The following SEC22B variants were observed in gnomAD, a reference collection of about 807,000 sequenced individuals.
The protein encoded by SEC22B is vesicle-trafficking protein SEC22b.
Under a neutral mutation model 31.4 loss-of-function variants are expected in SEC22B, and 10 were observed. The ratio of observed to expected loss-of-function variants is 0.32; its 90% CI spans 0.20 to 0.54. SEC22B has a LOEUF of 0.54. Ranked by LOEUF, SEC22B falls within the 20% of genes least tolerant of loss-of-function variation. The pLI is 0.94. For synonymous variants in SEC22B, 60 were observed against 95.9 expected, an observed-to-expected ratio of 0.63 and a Z score of 2.19; for missense variants, 130 against 263.4, an observed-to-expected ratio of 0.49 and a Z score of 3.50.
At chr1:120,162,909 G>A (rs1361682416) in intron 3 of SEC22B, among the ~76,000 whole-genome samples, 1 of 152,092 alleles carries the variant, frequency 6.6e-6, no homozygotes, top group Non-Finnish European at 1.5e-5. Flanking sequence ...CAATCAAGTA[G>A]ATCTTTAGGC....
rs1165572605 is a variant in SEC22B at position 120,150,944 on chromosome 1, C to G, written c.*6094G>C. ...TAGAAGAGGCAGCATTGTTTTATAA[C>G]AACTCACTCTCTTGGGAACTAACCA... is the stretch of plus-strand genomic sequence containing the variant. On this transcript the variant is annotated 3_prime_UTR_variant, in exon 5 of 5. Transcript: ENST00000578049. 1 of 152,160 alleles carries G rather than the reference C, an allele frequency of 6.6e-6. No homozygotes were observed. Among genetic ancestry groups the G allele is most frequent in the African/African-American group, 2.4e-5 (1 of 41,436 alleles). The allele number at this position is 152,160 out of a possible 1,614,324, so 9.4% of individuals were successfully genotyped here.
At chr1:120,170,501 A>T (rs1393170003) in intron 1 of SEC22B, among the ~76,000 whole-genome samples, 1 of 150,266 alleles carries the variant, frequency 6.7e-6, no homozygotes, top group East Asian at 1.9e-4. Context: ...GGTGAACTGG[A>T]AATTTCAATA....
At chr1:120,170,860 C>G (rs1323268408) in intron 1 of SEC22B, among the ~76,000 whole-genome samples, 1 of 143,772 alleles carries the variant, frequency 7.0e-6, no homozygotes, top group African/African-American at 2.9e-5. Context: ...TTGAATGGTA[C>G]TTACCAATCT....
At chr1:120,169,297 T>C (rs1420343744) in intron 1 of SEC22B, among the ~76,000 whole-genome samples, 1 of 152,168 alleles carries the variant, frequency 6.6e-6, no homozygotes, top group Non-Finnish European at 1.5e-5. Context: ...GCATGTGCTA[T>C]ACTCAGGGGA....
chr1:120,164,747 G>C, intron 2 of SEC22B, among the ~76,000 whole-genome samples: 4 of 152,262 alleles, frequency 2.6e-5, no homozygotes, highest in Middle Eastern at 6.8e-3. Flanking sequence ...ATTTTTGGTA[G>C]AAAGATTTGT....
At chr1:120,176,247 G>T in intron 1 of SEC22B, 60 bp downstream of exon 1, 1 of 1,525,772 alleles carries the variant, frequency 6.6e-7, no homozygotes, top group South Asian at 1.2e-5. Flanking sequence ...GGAATCCGAT[G>T]CTGAGGGCAA....
intron 1 of SEC22B, among the ~76,000 whole-genome samples, chr1:120,170,557 C>T (rs1657879354): frequency 6.6e-6 from 1 of 151,732 alleles, no homozygotes; most frequent in Non-Finnish European, 1.5e-5. Flanking sequence ...GGGAGATAGG[C>T]AGAGTCCAGT....
rs1220483327 is a variant in SEC22B at position 120,153,958 on chromosome 1, T to G, written c.*3080A>C. On this transcript the variant is annotated 3_prime_UTR_variant, in exon 5 of 5. Coordinates refer to ENST00000578049, the MANE Select transcript of SEC22B (RefSeq NM_004892.6). ...ATATTTAAATAACCAGAGTGTACAG[T>G]GTCCAAATATTTCCAAATTTTGACA... 7 of 151,274 alleles carry G rather than the reference T, an allele frequency of 4.6e-5. No individual in the cohort carries two copies. Among genetic ancestry groups the G allele is most frequent in the Non-Finnish European group, 8.8e-5 (6 of 67,826 alleles). 9.4% of individuals were successfully genotyped at this position (151,274 alleles called of 1,614,324 possible). A position where few individuals can be genotyped will look rare whatever the true frequency, so the allele number is the denominator to read the frequency against.
Position 120,176,197 on chromosome 1 carries a change from G to A in SEC22B, c.75+110C>T, listed in dbSNP as rs1388530057. On this transcript the variant is annotated intron_variant, in intron 1 of 4. Coordinates refer to ENST00000578049, the MANE Select transcript of SEC22B (RefSeq NM_004892.6). ...TAAAAGCGCACTTCAGAGAGGTCGG[G>A]AGTGCCCGGGAAGTCACAAAGGTCT... 5.4e-6 allele frequency: 5 copies of A among 933,474 alleles called. No individual in the cohort carries two copies. In the East Asian group the frequency reaches 1.1e-4, roughly 20 times the overall value. The allele number at this position is 933,474 out of a possible 1,614,324, so 57.8% of individuals were successfully genotyped here.
In SEC22B at chr1:120,157,138, T is replaced by A. The variant is rs1156530976; in HGVS notation, c.548A>T (p.Asp183Val). The A allele has an allele frequency of 1.7e-5, 27 of 1,584,134 alleles. No homozygotes were observed. The highest frequency in any genetic ancestry group is 2.2e-5 in the Non-Finnish European group (26 of 1,161,144). Residue 183 changes from aspartate to valine, a missense_variant, in exon 5 of 5, where the codon GAT becomes GTT. Asp to Val is a radical substitution (Grantham distance 152, BLOSUM62 -3). Coordinates refer to ENST00000578049, the MANE Select transcript of SEC22B (RefSeq NM_004892.6). ...LSSLSKKYRQ[D>V]AKYLNMRSTY... Reference sequence around the variant, plus strand: ...GGAACGCATGTTCAAGTACTTCGCATCCTGGCGGTATTTCTTGGACAGACT... The same window carrying A: ...GGAACGCATGTTCAAGTACTTCGCAACCTGGCGGTATTTCTTGGACAGACT...
At chr1:120,168,366 A>G (rs1190365239) in intron 2 of SEC22B, among the ~76,000 whole-genome samples, 12 of 152,024 alleles carry the variant, frequency 7.9e-5, no homozygotes, top group Non-Finnish European at 1.2e-4. Flanking sequence ...TTTCAAAATA[A>G]TAATAACTAA....
rs1162607493 is a variant in SEC22B at position 120,151,966 on chromosome 1, G to T, written c.*5072C>A. On this transcript the variant is annotated 3_prime_UTR_variant, in exon 5 of 5. Coordinates refer to ENST00000578049, the MANE Select transcript of SEC22B (RefSeq NM_004892.6). The stretch of plus-strand genomic sequence containing the variant: ...TGACGCTTAAATACTAGAAATATAA[G>T]AAGCAGCACAGGTTTGGTTTTATCT... 6.6e-6 allele frequency: 1 copy of T among 152,128 alleles called. No homozygotes were observed. Among genetic ancestry groups the T allele is most frequent in the Non-Finnish European group, 1.5e-5 (1 of 68,074 alleles). 9.4% of individuals were successfully genotyped at this position (152,128 alleles called of 1,614,324 possible).
Position 120,176,225 on chromosome 1 carries a change from CGGT to C in SEC22B, c.75+79_75+81del, listed in dbSNP as rs1657960303. 7 of 1,369,416 alleles carry C rather than the reference CGGT, an allele frequency of 5.1e-6. No homozygotes were observed. The Admixed American group carries it at 1.4e-4, about 27-fold the overall frequency. 84.8% of individuals were successfully genotyped at this position (1,369,416 alleles called of 1,614,324 possible). A position where few individuals can be genotyped will look rare whatever the true frequency, so the allele number is the denominator to read the frequency against. On this transcript the variant is annotated intron_variant, in intron 1 of 4. Coordinates refer to ENST00000578049, the MANE Select transcript of SEC22B (RefSeq NM_004892.6). ...TGCCCGGGAAGTCACAAAGGTCTCC[CGGT>C]CCTAGGAAGGAATCCGATGCTGAGG...
rs1570863457 is a variant in SEC22B, at chr1:120,153,869, T to C, written c.*3169A>G. 1 of 149,492 alleles carries C rather than the reference T, an allele frequency of 6.7e-6. No individual in the cohort carries two copies. The highest frequency in any genetic ancestry group is 1.9e-4 in the East Asian group (1 of 5,136). The allele number at this position is 149,492 out of a possible 1,614,324, so 9.3% of individuals were successfully genotyped here. ...TGTACACAGGAACATTTTTCTAGAG[T>C]AATGGCACATACCTTTCATCAGATT... On this transcript the variant is annotated 3_prime_UTR_variant, in exon 5 of 5. Transcript: ENST00000578049.
In SEC22B at chr1:120,161,923, G is replaced by A. The variant is rs1454030935; in HGVS notation, c.346+1287C>T. 1.7e-4 allele frequency among the ~76,000 whole-genome samples: 22 copies of A among 131,384 alleles called. 5 individuals are homozygous for A. The highest frequency in any genetic ancestry group is 7.4e-4 in the African/African-American group (18 of 24,218). The allele number at this position is 131,384 out of a possible 152,430, so 86.2% of individuals were successfully genotyped here. A position where few individuals can be genotyped will look rare whatever the true frequency, so the allele number is the denominator to read the frequency against. On this transcript the variant is annotated intron_variant, in intron 3 of 4. Coordinates refer to ENST00000578049, the MANE Select transcript of SEC22B (RefSeq NM_004892.6). ...ACTGGGAAGCTGACTTGGATGAAGC[G>A]CCTCAAGACTCCTTGCTCTGTGCCA... is the stretch of plus-strand genomic sequence containing the variant.
At chr1:120,160,642 C>G (rs1425835815) in intron 3 of SEC22B, 112 bp from the exon 4 acceptor site, 1 of 783,524 alleles carries the variant, frequency 1.3e-6, no homozygotes, top group South Asian at 2.1e-5. Flanking sequence ...GTAATCCCAG[C>G]ACTTTGGGAG....
chr1:120,163,116 C>T, intron 3 of SEC22B, 94 bp downstream of exon 3: 3 of 583,060 alleles, frequency 5.1e-6, no homozygotes, highest in Non-Finnish European at 8.3e-6. Flanking sequence ...AAGTAAACAT[C>T]AGAAAAAATG....
chr1:120,160,076 A>C (rs1290177557), intron 4 of SEC22B, among the ~76,000 whole-genome samples: 2 of 138,538 alleles, frequency 1.4e-5, no homozygotes, highest in African/African-American at 2.9e-5. Flanking sequence ...GCAATACATC[A>C]TTGAGTTTTC....
At position 120,165,558 on chromosome 1, in the gene SEC22B, G is replaced by A. The variant is rs1481071794; in HGVS notation, c.186-2188C>T. Among the ~76,000 whole-genome samples the A allele has an allele frequency of 1.4e-3, 220 of 152,140 alleles. 9 individuals carry two copies. In the South Asian group the frequency reaches 0.045, roughly 31 times the overall value. On this transcript the variant is annotated intron_variant, in intron 2 of 4. Transcript: ENST00000578049. The stretch of plus-strand genomic sequence containing the variant: ...ATATATAACAAGCAAAACATATTCA[G>A]AAGGCCAATGTATATATCAGATAAA...
Sources: allele counts gnomAD v4.1 joint callset (sites outside exome capture counted in the v4.1 genomes callset), GRCh38; gene constraint gnomAD v4.1.1; transcripts MANE v1.5; gene names NCBI Gene and HGNC (gene_info 2026-07-23, HGNC 2026-07-21).